Variants in PTCD2 observed in about 807,000 individuals in gnomAD.
The protein encoded by PTCD2 is pentatricopeptide repeat domain 2.
PTCD2 carries 31 observed loss-of-function variants against 42.6 expected under a neutral mutation model. That is an observed-to-expected ratio of 0.73 (90% CI 0.55 to 0.98). The LOEUF is 0.98. Among genes scored for constraint, PTCD2 ranks in the 50% least tolerant of loss-of-function variants. The pLI, the probability that PTCD2 is intolerant of heterozygous loss-of-function variation, is 0.00. For synonymous variants in PTCD2, 183 were observed against 170.9 expected (o/e 1.07, Z -0.55); for missense variants, 476 against 454.8 (o/e 1.05, Z -0.42).
At position 72,358,259 on chromosome 5, in the gene PTCD2, TGAG is replaced by T; in HGVS notation, c.1000_1002del (p.Glu334del). On this transcript the variant is annotated inframe_deletion, in exon 10 of 10. Coordinates refer to ENST00000380639, the MANE Select transcript of PTCD2 (RefSeq NM_024754.5). Reference sequence around the variant, plus strand: ...TGCCTGCCCTTGTGGCCAAATTTGATGAGATCTATGGGACACTGCACATCACTG... The same window carrying T: ...TGCCTGCCCTTGTGGCCAAATTTGATATCTATGGGACACTGCACATCACTG... The T allele has an allele frequency of 2.5e-6, 4 of 1,613,530 alleles. No homozygotes were observed. The highest frequency in any genetic ancestry group is 3.4e-6 in the Non-Finnish European group (4 of 1,179,482).
intron 3 of PTCD2, among the ~76,000 whole-genome samples, chr5:72,327,481 T>C (rs1160610565): frequency 1.3e-5 from 2 of 151,310 alleles, no homozygotes; most frequent in Non-Finnish European, 2.9e-5. Flanking sequence ...TATTTTTTTT[T>C]TTTTTTTTGA....
chr5:72,335,181 A>T, intron 5 of PTCD2, 85 bp downstream of exon 5: 1 of 766,170 alleles, frequency 1.3e-6, no homozygotes, highest in Non-Finnish European at 2.3e-6. Flanking sequence ...TCATGCAAAA[A>T]TGATTCTTCT....
At chr5:72,337,997 C>T (rs1039763707) in intron 6 of PTCD2, among the ~76,000 whole-genome samples, 1 of 152,142 alleles carries the variant, frequency 6.6e-6, no homozygotes, top group African/African-American at 2.4e-5. Context: ...TTGCAACTCC[C>T]GTTATGACAG....
At chr5:72,330,795 G>A (rs1473929319) in intron 3 of PTCD2, among the ~76,000 whole-genome samples, 1 of 152,176 alleles carries the variant, frequency 6.6e-6, no homozygotes, top group Non-Finnish European at 1.5e-5. Context: ...GCTGTAAATT[G>A]TAAATGTGAC....
At chr5:72,350,709 T>G (rs1055465636) in intron 8 of PTCD2, among the ~76,000 whole-genome samples, 2 of 152,140 alleles carry the variant, frequency 1.3e-5, no homozygotes, top group Non-Finnish European at 2.9e-5. Context: ...ATTCTGTTCT[T>G]CCGAACCAAA....
intron 2 of PTCD2, 125 bp downstream of exon 2, chr5:72,322,389 G>A (rs1012074783): frequency 3.0e-5 from 20 of 668,848 alleles, no homozygotes; most frequent in Admixed American, 2.0e-4. Flanking sequence ...ACCATTTATT[G>A]TTAGTTTCAT....
chr5:72,321,301 C>T (rs1030395026), intron 1 of PTCD2: 9 of 152,298 alleles, frequency 5.9e-5, no homozygotes, highest in Middle Eastern at 3.4e-3. Flanking sequence ...AGTTTACATA[C>T]ATTAATTCCT....
rs971910311 is a variant in PTCD2, at chr5:72,368,105, A to G, written c.*9678A>G. 2 of 152,142 alleles carry G rather than the reference A, an allele frequency of 1.3e-5. No homozygotes were observed. Among genetic ancestry groups the G allele is most frequent in the Non-Finnish European group, 2.9e-5 (2 of 68,026 alleles). The allele number at this position is 152,142 out of a possible 1,614,324, so 9.4% of individuals were successfully genotyped here. ...CTTCTCTAAACTATCTCAATTCCAC[A>G]TTTCACTTTGCAGGTGTAGACATGA... On this transcript the variant is annotated 3_prime_UTR_variant, in exon 10 of 10. Coordinates refer to ENST00000380639, the MANE Select transcript of PTCD2 (RefSeq NM_024754.5).
chr5:72,356,645 T>C (rs964409940), intron 9 of PTCD2, among the ~76,000 whole-genome samples: 17 of 152,280 alleles, frequency 1.1e-4, no homozygotes, highest in African/African-American at 4.1e-4. Context: ...TCTGTAGTTA[T>C]GTAACAGAAC....
At chr5:72,342,918 T>G (rs1293622789) in intron 7 of PTCD2, 44 bp from the exon 8 acceptor site, 1 of 1,230,202 alleles carries the variant, frequency 8.1e-7, no homozygotes, top group South Asian at 1.3e-5. Context: ...ACAATAACAT[T>G]AGTTCCTATG....
Position 72,342,980 on chromosome 5 carries a change from G to A in PTCD2, c.772G>A (p.Val258Met), listed in dbSNP as rs529621151. ...CTTCTAGAATGAGATGGCAAAAGCT[G>A]TGTCCATTTTTTCTCAAATCATGAA... ...ALNQNEMAKA[V>M]SIFSQIMNPE... is the part of the protein sequence containing the mutation. The change falls in exon 8 of 10, where the codon GTG becomes ATG. Residue 258 changes from valine (V) to methionine (M), a missense_variant. Coordinates refer to ENST00000380639, the MANE Select transcript of PTCD2 (RefSeq NM_024754.5). The A allele has an allele frequency of 5.1e-5, 81 of 1,598,746 alleles. No individual in the cohort carries two copies. The East Asian group carries it at 5.9e-4, about 12-fold the overall frequency.
At chr5:72,331,464 G>C (rs1278237858) in intron 4 of PTCD2, 89 bp downstream of exon 4, 15 of 967,032 alleles carry the variant, frequency 1.6e-5, no homozygotes, top group Non-Finnish European at 2.5e-5. Flanking sequence ...TTATTCCTGG[G>C]TTAGATTTTC....
intron 4 of PTCD2, 84 bp from the exon 5 acceptor site, chr5:72,334,934 C>A: frequency 3.8e-6 from 3 of 795,188 alleles, no homozygotes; most frequent in South Asian, 2.9e-5. Context: ...AATAATAAGA[C>A]CTGGCTAGAT....
intron 8 of PTCD2, among the ~76,000 whole-genome samples, chr5:72,348,175 C>T (rs1246125599): frequency 6.6e-6 from 1 of 152,150 alleles, no homozygotes; most frequent in African/African-American, 2.4e-5. Flanking sequence ...CTTTTAGATT[C>T]TAGGTCTCTG....
In PTCD2 at chr5:72,320,387, T is replaced by TC; in HGVS notation, c.7dup (p.Arg3ProfsTer42). On this transcript the variant is annotated frameshift_variant, in exon 1 of 10. Coordinates refer to ENST00000380639, the MANE Select transcript of PTCD2 (RefSeq NM_024754.5). LOFTEE classifies it high-confidence loss of function. ...GCCCCGGTTCCAGTAGTTGGTATGG[T>TC]CCGAGACAGTATGGCTGCTGCATTT... 6.2e-7 allele frequency: 1 copy of TC among 1,614,036 alleles called. No homozygotes were observed. The highest frequency in any genetic ancestry group is 8.5e-7 in the Non-Finnish European group (1 of 1,179,974).
intron 3 of PTCD2, 41 bp from the exon 4 acceptor site, chr5:72,331,217 G>C (rs372268428): frequency 3.0e-5 from 39 of 1,294,364 alleles, no homozygotes; most frequent in Non-Finnish European, 4.3e-5. Context: ...CCTTTTTCCT[G>C]TGTCCTACCT....
chr5:72,350,239 C>T (rs1274028180), intron 8 of PTCD2, among the ~76,000 whole-genome samples: 1 of 152,168 alleles, frequency 6.6e-6, no homozygotes, highest in Admixed American at 6.5e-5. Flanking sequence ...ATGAGTTAGC[C>T]TGCCCCAGTT....
intron 8 of PTCD2, among the ~76,000 whole-genome samples, chr5:72,345,913 T>C (rs938572971): frequency 6.6e-6 from 1 of 152,210 alleles, no homozygotes; most frequent in African/African-American, 2.4e-5. Flanking sequence ...TCCAAACTTC[T>C]GAAAGAGTCA....
chr5:72,326,648 AG>A lies in PTCD2; in HGVS notation c.258del (p.Asn87ThrfsTer5), dbSNP rs1224707737. 6.2e-7 allele frequency: 1 copy of A among 1,614,208 alleles called. No homozygotes were observed. The highest frequency in any genetic ancestry group is 2.2e-5 in the East Asian group (1 of 44,890). Reference protein sequence around the residue: ...YFRNLKKKLTQNKLILKGELI... With the variant: ...YFRNLKKKLTXNKLILKGELI... The stretch of plus-strand genomic sequence containing the variant: ...AGAAACTTGAAAAAGAAACTGACCC[AG>A]AACAAGCTCATCTTGAAGGGGGAGT... On this transcript the variant is annotated frameshift_variant, in exon 3 of 10. Transcript: ENST00000380639. LOFTEE classifies it high-confidence loss of function.
Sources: gnomAD v4.1 joint callset for allele counts (sites outside exome capture counted in the v4.1 genomes callset) on GRCh38, gnomAD v4.1.1 for gene constraint, MANE v1.5 for transcripts, NCBI Gene and HGNC (gene_info 2026-07-23, HGNC 2026-07-21) for gene names.